Variants in STK32A observed in about 807,000 individuals in gnomAD.
STK32A encodes the protein serine/threonine kinase 32A.
Under a neutral mutation model 53.2 loss-of-function variants are expected in STK32A, and 41 were observed. The observed-to-expected ratio is 0.77, with a 90% CI of 0.60 to 1.00. The LOEUF (loss-of-function observed/expected upper bound fraction) is 1.00, where lower values mean the gene tolerates loss of function less well. STK32A is among the 50% of genes least tolerant of loss of function. The pLI is 0.00. For missense variants in STK32A, 458 were observed against 485.8 expected, an observed-to-expected ratio of 0.94 and a Z score of 0.54; for synonymous variants, 166 against 162.8, an observed-to-expected ratio of 1.02 and a Z score of -0.15.
At chr5:147,297,734 T>C (rs1308711080) in intron 4 of STK32A, among the ~76,000 whole-genome samples, 1 of 152,088 alleles carries the variant, frequency 6.6e-6, no homozygotes, top group Non-Finnish European at 1.5e-5. Flanking sequence ...TCCCAGCACT[T>C]TGGGAGGCCA....
intron 4 of STK32A, among the ~76,000 whole-genome samples, chr5:147,306,725 T>G (rs1753426619): frequency 6.6e-6 from 1 of 152,094 alleles, no homozygotes; most frequent in Non-Finnish European, 1.5e-5. Context: ...AAAGAAGTAG[T>G]GAATTATCTA....
intron 1 of STK32A, among the ~76,000 whole-genome samples, chr5:147,238,015 A>C (rs755695902): frequency 6.6e-6 from 1 of 152,260 alleles, no homozygotes; most frequent in Non-Finnish European, 1.5e-5. Context: ...GCAGGAGCTA[A>C]CATTCATTCT....
chr5:147,397,881 G>A, the STK32A span: 2 of 1,198,772 alleles, frequency 1.7e-6, no homozygotes, highest in Non-Finnish European at 2.2e-6. Context: ...CCACAGTAAG[G>A]GTAGAGAAAG....
At chr5:147,319,139 C>CTTTTT (rs146817721) in intron 4 of STK32A, among the ~76,000 whole-genome samples, 2 of 100,580 alleles carry the variant, frequency 2.0e-5, no homozygotes, top group Non-Finnish European at 3.9e-5. Flanking sequence ...ACAACTGGTA[C>CTTTTT]TTTTTTTTTT....
chr5:147,327,623 C>T (rs1754665172), intron 5 of STK32A, among the ~76,000 whole-genome samples: 1 of 152,188 alleles, frequency 6.6e-6, no homozygotes, highest in Admixed American at 6.5e-5. Flanking sequence ...TTCCTGGGTA[C>T]CAGGCTGCCT....
At chr5:147,283,279 G>A (rs1752151950) in intron 4 of STK32A, among the ~76,000 whole-genome samples, 2 of 152,000 alleles carry the variant, frequency 1.3e-5, no homozygotes, top group African/African-American at 2.4e-5. Flanking sequence ...AAAACCTCTA[G>A]GATACAGCAA....
intron 2 of STK32A, among the ~76,000 whole-genome samples, chr5:147,253,353 C>T (rs1182926909): frequency 6.6e-6 from 1 of 152,110 alleles, no homozygotes; most frequent in Admixed American, 6.5e-5. Context: ...ATCATCTCTA[C>T]AATTAATAAT....
intron 2 of STK32A, among the ~76,000 whole-genome samples, chr5:147,261,465 G>A (rs4705031): frequency 0.23 from 35,383 of 151,938 alleles, 4,604 homozygotes; most frequent in Admixed American, 0.33. Flanking sequence ...GAATGATGGG[G>A]TGAGTGCTTT....
At chr5:147,324,168 T>G (rs1022318607) in intron 5 of STK32A, 97 bp downstream of exon 5, 1 of 1,238,962 alleles carries the variant, frequency 8.1e-7, no homozygotes, top group African/African-American at 1.5e-5. Flanking sequence ...TGACATTTAA[T>G]CCCCGTTTAA....
chr5:147,247,102 A>G (rs6580455), intron 2 of STK32A, among the ~76,000 whole-genome samples: 62,444 of 152,088 alleles, frequency 0.41, 12,955 homozygotes, highest in Admixed American at 0.45. Context: ...TAAATCTGCA[A>G]GCCAGTTTCA....
intron 4 of STK32A, among the ~76,000 whole-genome samples, chr5:147,292,031 T>C (rs1293424187): frequency 2.0e-5 from 3 of 152,204 alleles, no homozygotes; most frequent in Non-Finnish European, 4.4e-5. Context: ...AAACTGCCTG[T>C]AGCATCTACA....
chr5:147,362,096 G>A (rs1756531882), intron 8 of STK32A, among the ~76,000 whole-genome samples: 1 of 152,118 alleles, frequency 6.6e-6, no homozygotes, highest in Non-Finnish European at 1.5e-5. Flanking sequence ...CCTTTTAAAG[G>A]AAACATTTCT....
At chr5:147,297,554 A>G (rs1752924117) in intron 4 of STK32A, among the ~76,000 whole-genome samples, 1 of 152,004 alleles carries the variant, frequency 6.6e-6, no homozygotes, top group African/African-American at 2.4e-5. Flanking sequence ...AAGGATTTCA[A>G]CTCATTTCAG....
chr5:147,347,601 T>C (rs1321208620), intron 6 of STK32A, among the ~76,000 whole-genome samples: 1 of 152,172 alleles, frequency 6.6e-6, no homozygotes, highest in Non-Finnish European at 1.5e-5. Flanking sequence ...CAAAAAATTA[T>C]CAGGTCCAAT....
intron 4 of STK32A, among the ~76,000 whole-genome samples, chr5:147,295,129 T>C (rs60570449): frequency 0.34 from 51,456 of 152,070 alleles, 9,079 homozygotes; most frequent in South Asian, 0.6. Flanking sequence ...ATAAAGTTGT[T>C]TCCTCAATTA....
chr5:147,313,897 C>T (rs369914954), intron 4 of STK32A, among the ~76,000 whole-genome samples: 79 of 152,234 alleles, frequency 5.2e-4, no homozygotes, highest in African/African-American at 1.8e-3. Context: ...GGAACCCTAC[C>T]TCACACCATG....
Position 147,331,886 on chromosome 5 carries a change from C to T in STK32A, c.434+7815C>T, listed in dbSNP as rs535563530. On this transcript the variant is annotated intron_variant, in intron 5 of 12. Coordinates refer to ENST00000397936, the MANE Select transcript of STK32A (RefSeq NM_001112724.2). Reference sequence around the variant, plus strand: ...GCAAACCCACAGAAGCTGGAAGAGGCCTGGGAGGAGTCTCCCTGAGAAGTT... The same window carrying T: ...GCAAACCCACAGAAGCTGGAAGAGGTCTGGGAGGAGTCTCCCTGAGAAGTT... Among the ~76,000 whole-genome samples, 17 of 152,210 alleles carry T rather than the reference C, an allele frequency of 1.1e-4. No individual in the cohort carries two copies. The South Asian group carries it at 1.9e-3, about 17-fold the overall frequency.
At chr5:147,367,740 C>A (rs1300009340) in intron 8 of STK32A, among the ~76,000 whole-genome samples, 1 of 152,066 alleles carries the variant, frequency 6.6e-6, no homozygotes, top group Non-Finnish European at 1.5e-5. Context: ...CAGGAACCAG[C>A]CATCTGGATG....
the STK32A span, chr5:147,400,787 C>T: frequency 6.2e-7 from 1 of 1,614,202 alleles, no homozygotes; most frequent in Non-Finnish European, 8.5e-7. Context: ...GCTTTCTGGG[C>T]AGTGCTGAAG....
Sources: gnomAD v4.1 joint callset for allele counts (sites outside exome capture counted in the v4.1 genomes callset) on GRCh38, gnomAD v4.1.1 for gene constraint, MANE v1.5 for transcripts, NCBI Gene and HGNC (gene_info 2026-07-23, HGNC 2026-07-21) for gene names.